HGF: variants seen among roughly 807,000 people sequenced by gnomAD.
HGF encodes hepatocyte growth factor.
Under a neutral mutation model 111.6 loss-of-function variants are expected in HGF, and 39 were observed. The ratio of observed to expected loss-of-function variants is 0.35; its 90% CI spans 0.27 to 0.46. The LOEUF (loss-of-function observed/expected upper bound fraction) is 0.46. Among genes scored for constraint, HGF ranks in the 20% least tolerant of loss-of-function variants. The pLI is 1.00. For synonymous variants in HGF, 285 were observed against 294.8 expected, an observed-to-expected ratio of 0.97 and a Z score of 0.34; for missense variants, 735 against 910.5, an observed-to-expected ratio of 0.81 and a Z score of 2.48.
At chr7:81,736,843 G>T (rs184480150) in intron 7 of HGF, 2 of 434,130 alleles carry the variant, frequency 4.6e-6, no homozygotes, top group African/African-American at 4.1e-5. Context: ...TTTTGTCATT[G>T]CCCTAAGATC....
At chr7:81,710,561 C>T (rs1205050422) in intron 12 of HGF, among the ~76,000 whole-genome samples, 1 of 151,936 alleles carries the variant, frequency 6.6e-6, no homozygotes, top group Non-Finnish European at 1.5e-5. Context: ...TCACCACCCT[C>T]AACATAAAAT....
At chr7:81,726,152 T>C in intron 8 of HGF, 135 bp from the exon 9 acceptor site, 1 of 822,824 alleles carries the variant, frequency 1.2e-6, no homozygotes, top group Non-Finnish European at 2.1e-6. Context: ...TCAGAATAGC[T>C]ATAACAATTT....
chr7:81,733,917 A>T (rs1787745516), intron 7 of HGF, among the ~76,000 whole-genome samples: 1 of 152,176 alleles, frequency 6.6e-6, no homozygotes, highest in Non-Finnish European at 1.5e-5. Context: ...TATAAATATC[A>T]AAACTGGGTG....
chr7:81,724,543 AT>A (rs1313519070), intron 9 of HGF, among the ~76,000 whole-genome samples: 2 of 152,226 alleles, frequency 1.3e-5, no homozygotes, highest in African/African-American at 4.8e-5. Context: ...TATTATTAAT[AT>A]TTAACAAATT....
intron 14 of HGF, 97 bp downstream of exon 14, chr7:81,707,193 C>T: frequency 1.4e-6 from 1 of 734,104 alleles, no homozygotes; most frequent in South Asian, 1.5e-5. Context: ...ATTTGTGAAT[C>T]TCTGTAAAAT....
chr7:81,753,109 G>A (rs1297077807), intron 4 of HGF, among the ~76,000 whole-genome samples: 1 of 152,026 alleles, frequency 6.6e-6, no homozygotes, highest in Non-Finnish European at 1.5e-5. Context: ...GTAAGCCATT[G>A]AGTGCAGTAA....
intron 3 of HGF, among the ~76,000 whole-genome samples, 197 bp downstream of exon 3, chr7:81,758,495 A>G (rs1788893876): frequency 6.6e-6 from 1 of 152,048 alleles, no homozygotes; most frequent in Non-Finnish European, 1.5e-5. Flanking sequence ...AAAGTTTTGA[A>G]AATGTTCTCC....
intron 5 of HGF, chr7:81,751,662 G>A (rs1583990763): frequency 2.0e-6 from 2 of 1,007,052 alleles, no homozygotes; most frequent in Non-Finnish European, 2.4e-6. Context: ...TTCTTATATT[G>A]TATTATCTTC....
chr7:81,702,422 C>G lies in HGF; in HGVS notation c.*159G>C, dbSNP rs1024724608. The G allele has an allele frequency of 1.8e-5, 11 of 624,150 alleles. No homozygotes were observed. The highest frequency in any genetic ancestry group is 1.2e-4 in the Admixed American group (4 of 34,272). 38.7% of individuals were successfully genotyped at this position (624,150 alleles called of 1,614,324 possible). A position where few individuals can be genotyped will look rare whatever the true frequency, so the allele number is the denominator to read the frequency against. ...AAAATAACACTGACAAACAAAACAA[C>G]AGAAAACACCCATAAACATTAATGA... On this transcript the variant is annotated 3_prime_UTR_variant, in exon 18 of 18. Coordinates refer to ENST00000222390, the MANE Select transcript of HGF (RefSeq NM_000601.6).
chr7:81,721,672 A>C (rs1789868054), intron 9 of HGF, among the ~76,000 whole-genome samples: 1 of 152,206 alleles, frequency 6.6e-6, no homozygotes, highest in Non-Finnish European at 1.5e-5. Context: ...CAAGTTAAAG[A>C]TATTTGACAG....
intron 14 of HGF, among the ~76,000 whole-genome samples, chr7:81,707,012 A>G (rs1455099554): frequency 6.6e-6 from 1 of 152,052 alleles, no homozygotes. Flanking sequence ...ACAGGGTACA[A>G]GTAGAAAGTT....
Position 81,701,822 on chromosome 7 carries a change from C to G in HGF, c.*759G>C, listed in dbSNP as rs1057168514. On this transcript the variant is annotated 3_prime_UTR_variant, in exon 18 of 18. Coordinates refer to ENST00000222390, the MANE Select transcript of HGF (RefSeq NM_000601.6). The stretch of plus-strand genomic sequence containing the variant: ...CTGGGTGATGGCCACACCTGAAATG[C>G]CAACCAAAGAAGATCATCTGCAGAT... 1 of 151,738 alleles carries G rather than the reference C, an allele frequency of 6.6e-6. No homozygotes were observed. The highest frequency in any genetic ancestry group is 1.9e-4 in the East Asian group (1 of 5,190). The allele number at this position is 151,738 out of a possible 1,614,324, so 9.4% of individuals were successfully genotyped here.
At chr7:81,760,314 T>C (rs1297647296) in intron 2 of HGF, among the ~76,000 whole-genome samples, 1 of 152,202 alleles carries the variant, frequency 6.6e-6, no homozygotes, top group Non-Finnish European at 1.5e-5. Flanking sequence ...AATTTATGAA[T>C]GAGCTATTTC....
intron 1 of HGF, among the ~76,000 whole-genome samples, chr7:81,764,131 T>A (rs946321521): frequency 2.0e-4 from 30 of 152,124 alleles, no homozygotes; most frequent in Non-Finnish European, 1.5e-5. Flanking sequence ...AGTAAAAATT[T>A]GTGTGCACAA....
intron 7 of HGF, among the ~76,000 whole-genome samples, chr7:81,742,300 T>C (rs1236411101): frequency 1.3e-5 from 2 of 152,202 alleles, no homozygotes; most frequent in African/African-American, 2.4e-5. Flanking sequence ...GGCAGTACCA[T>C]AGTGTGGATA....
At chr7:81,748,071 G>A (rs927278556) in intron 5 of HGF, among the ~76,000 whole-genome samples, 6 of 152,182 alleles carry the variant, frequency 3.9e-5, no homozygotes, top group Admixed American at 2.0e-4. Flanking sequence ...TGTTAAACCT[G>A]AGCCAGGAAC....
intron 3 of HGF, among the ~76,000 whole-genome samples, chr7:81,758,108 T>A (rs560299143): frequency 6.6e-6 from 1 of 152,244 alleles, no homozygotes; most frequent in Non-Finnish European, 1.5e-5. Context: ...TACTTGATTC[T>A]GCTTTTGAAC....
In HGF at chr7:81,758,728, C is replaced by A. The variant is rs2116201720; in HGVS notation, c.331G>T (p.Glu111Ter). ...TAGAGGTCAAATTCATGGCCAAATT[C>A]TTTTTTCACTCCACTTGACATGCTA... ...FNSMSSGVKK[E>*]FGHEFDLYEN... The change falls in exon 3 of 18, where the codon GAA becomes TAA. Residue 111 changes from glutamate (E) to a stop codon, truncating the protein, a stop_gained. Transcript: ENST00000222390. LOFTEE classifies it high-confidence loss of function. 1 of 1,612,700 alleles carries A rather than the reference C, an allele frequency of 6.2e-7. No homozygotes were observed. The highest frequency in any genetic ancestry group is 2.2e-5 in the East Asian group (1 of 44,728).
At chr7:81,765,651 A>C (rs1314595722) in intron 1 of HGF, among the ~76,000 whole-genome samples, 1 of 152,214 alleles carries the variant, frequency 6.6e-6, no homozygotes, top group Non-Finnish European at 1.5e-5. Flanking sequence ...CTAATTGTAC[A>C]TCATGTAATC....
Sources: gnomAD v4.1 joint callset for allele counts (sites outside exome capture counted in the v4.1 genomes callset) on GRCh38, gnomAD v4.1.1 for gene constraint, MANE v1.5 for transcripts, NCBI Gene and HGNC (gene_info 2026-07-23, HGNC 2026-07-21) for gene names.